Variants in PPP3CA observed in about 807,000 individuals in gnomAD.
PPP3CA encodes the protein protein phosphatase 3 catalytic subunit alpha.
A neutral mutation model predicts 66.5 loss-of-function variants in PPP3CA; 14 were observed. The observed-to-expected ratio is 0.21, with a 90% CI of 0.14 to 0.33. The LOEUF is 0.33. Ranked by LOEUF, PPP3CA falls within the 10% of genes least tolerant of loss-of-function variation. The pLI is 1.00. For synonymous variants in PPP3CA, 232 were observed against 226.2 expected, an observed-to-expected ratio of 1.03 and a Z score of -0.23; for missense variants, 317 against 639.5, an observed-to-expected ratio of 0.50 and a Z score of 5.44.
At chr4:101,149,425 A>T (rs1723065128) in intron 2 of PPP3CA, among the ~76,000 whole-genome samples, 1 of 152,174 alleles carries the variant, frequency 6.6e-6, no homozygotes, top group African/African-American at 2.4e-5. Flanking sequence ...CAAAAGATTA[A>T]CATTTCAAAT....
intron 10 of PPP3CA, among the ~76,000 whole-genome samples, chr4:101,043,292 T>A (rs1421832575): frequency 6.6e-6 from 1 of 152,048 alleles, no homozygotes; most frequent in African/African-American, 2.4e-5. Context: ...CAATGAAAAG[T>A]AAGAAACTAT....
intron 1 of PPP3CA, among the ~76,000 whole-genome samples, chr4:101,265,389 G>A (rs1727139019): frequency 6.6e-6 from 1 of 152,134 alleles, no homozygotes; most frequent in African/African-American, 2.4e-5. Context: ...GATTACAGGT[G>A]TGTGCCATAG....
chr4:101,056,432 AGCATCTCTAAATTGCTATAGGC>A (rs1387785955), intron 10 of PPP3CA, among the ~76,000 whole-genome samples: 9 of 152,150 alleles, frequency 5.9e-5, no homozygotes, highest in East Asian at 1.9e-4. Flanking sequence ...GGAAATGAGG[AGCATCTCTAAATTGCTATAGGC>A]GCATCTCTAA....
At chr4:101,188,530 T>C (rs1240834325) in intron 2 of PPP3CA, among the ~76,000 whole-genome samples, 1 of 152,190 alleles carries the variant, frequency 6.6e-6, no homozygotes, top group Non-Finnish European at 1.5e-5. Flanking sequence ...TATTTTCATA[T>C]GATGAACGCG....
At chr4:101,115,772 C>A (rs905244609) in intron 2 of PPP3CA, among the ~76,000 whole-genome samples, 1 of 151,930 alleles carries the variant, frequency 6.6e-6, no homozygotes, top group Non-Finnish European at 1.5e-5. Context: ...CAAAGACTTA[C>A]ACATTTGGTC....
chr4:101,245,252 C>T (rs1726441076), intron 1 of PPP3CA, among the ~76,000 whole-genome samples: 1 of 152,170 alleles, frequency 6.6e-6, no homozygotes, highest in Non-Finnish European at 1.5e-5. Context: ...GTTTAATTCG[C>T]CATCTTCTCC....
Position 101,346,910 on chromosome 4 carries a change from A to G in PPP3CA, c.-114T>C. The G allele has an allele frequency of 9.7e-7, 1 of 1,034,594 alleles. No homozygotes were observed. The highest frequency in any genetic ancestry group is 2.0e-4 in the Middle Eastern group (1 of 4,904). The allele number at this position is 1,034,594 out of a possible 1,614,324, so 64.1% of individuals were successfully genotyped here. On this transcript the variant is annotated 5_prime_UTR_variant, in exon 1 of 14. Transcript: ENST00000394854. ...GCCGCCGCCGCCGCCGCCGCGCTGC[A>G]AACCGCTCGGCTGGAGGTCTAGGCT... is the stretch of plus-strand genomic sequence containing the variant.
intron 2 of PPP3CA, among the ~76,000 whole-genome samples, chr4:101,117,512 A>G (rs1446321766): frequency 1.3e-5 from 2 of 151,564 alleles, no homozygotes; most frequent in Non-Finnish European, 2.9e-5. Context: ...TAAGGAATGC[A>G]TTTTTTTCCA....
chr4:101,289,886 G>C (rs975137148), intron 1 of PPP3CA, among the ~76,000 whole-genome samples: 2 of 151,344 alleles, frequency 1.3e-5, no homozygotes, highest in Non-Finnish European at 2.9e-5. Flanking sequence ...GTGTGTGTGT[G>C]TGTGTGTGTG....
chr4:101,059,021 G>T (rs1019015920), intron 10 of PPP3CA, among the ~76,000 whole-genome samples: 1 of 152,046 alleles, frequency 6.6e-6, no homozygotes, highest in Non-Finnish European at 1.5e-5. Flanking sequence ...GATTATTATT[G>T]TATTAATGTT....
intron 3 of PPP3CA, among the ~76,000 whole-genome samples, chr4:101,104,073 C>T (rs1038289917): frequency 5.3e-5 from 8 of 152,084 alleles, no homozygotes; most frequent in Non-Finnish European, 2.9e-5. Flanking sequence ...CTGTGTACTG[C>T]CCAGAGCACA....
chr4:101,069,498 A>G (rs1234367494), intron 8 of PPP3CA, among the ~76,000 whole-genome samples: 2 of 152,092 alleles, frequency 1.3e-5, no homozygotes, highest in Non-Finnish European at 2.9e-5. Flanking sequence ...TAAATAAAAT[A>G]CTCATATTAT....
chr4:101,275,915 G>C (rs1424809953), intron 1 of PPP3CA, among the ~76,000 whole-genome samples: 2 of 134,734 alleles, frequency 1.5e-5, no homozygotes, highest in African/African-American at 5.6e-5. Context: ...GTTTTTTTTT[G>C]AGACAGGGTC....
chr4:101,223,424 G>A (rs952491763), intron 1 of PPP3CA, among the ~76,000 whole-genome samples: 8 of 151,822 alleles, frequency 5.3e-5, no homozygotes, highest in African/African-American at 1.9e-4. Flanking sequence ...CTAAGGCACA[G>A]ACAGGGTAAG....
chr4:101,211,616 T>C (rs1725301122), intron 1 of PPP3CA, among the ~76,000 whole-genome samples: 1 of 152,204 alleles, frequency 6.6e-6, no homozygotes, highest in Admixed American at 6.6e-5. Flanking sequence ...TAATTTTTGA[T>C]GAGTTGATCC....
intron 2 of PPP3CA, among the ~76,000 whole-genome samples, chr4:101,185,596 T>C (rs1238529176): frequency 6.6e-6 from 1 of 152,196 alleles, no homozygotes; most frequent in Admixed American, 6.6e-5. Context: ...TCTTTACAGG[T>C]TGCATGATGT....
chr4:101,101,904 T>G (rs1396268598), intron 3 of PPP3CA, among the ~76,000 whole-genome samples: 1 of 152,176 alleles, frequency 6.6e-6, no homozygotes, highest in South Asian at 2.1e-4. Flanking sequence ...ACTGGAACTT[T>G]GTAACCCCAC....
At chr4:101,124,635 AAAAG>A (rs1210146069) in intron 2 of PPP3CA, among the ~76,000 whole-genome samples, 4 of 147,642 alleles carry the variant, frequency 2.7e-5, no homozygotes, top group African/African-American at 9.9e-5. Flanking sequence ...GAAAGAAAGA[AAAAG>A]AAAGAAAGAG....
At chr4:101,227,905 C>CT (rs1725834624) in intron 1 of PPP3CA, among the ~76,000 whole-genome samples, 1 of 151,650 alleles carries the variant, frequency 6.6e-6, no homozygotes, top group South Asian at 2.1e-4. Context: ...ATGTCTCATT[C>CT]TTTTTTCCTG....
Sources: gnomAD v4.1 joint callset for allele counts (sites outside exome capture counted in the v4.1 genomes callset) on GRCh38, gnomAD v4.1.1 for gene constraint, MANE v1.5 for transcripts, NCBI Gene and HGNC (gene_info 2026-07-23, HGNC 2026-07-21) for gene names.